Variants in PSD3 observed in about 807,000 individuals in gnomAD.
The protein encoded by PSD3 is pleckstrin and Sec7 domain containing 3, also known as PH and SEC7 domain-containing protein 3.
Under a neutral mutation model 105.5 loss-of-function variants are expected in PSD3, and 49 were observed. That is an observed-to-expected ratio of 0.46 (90% CI 0.37 to 0.59). The LOEUF (loss-of-function observed/expected upper bound fraction) is 0.59. Among genes scored for constraint, PSD3 ranks in the 20% least tolerant of loss-of-function variants. PSD3 has a pLI of 0.00. For synonymous variants in PSD3, 557 were observed against 457.8 expected, an observed-to-expected ratio of 1.22 and a Z score of -2.77; for missense variants, 1,561 against 1,263.8, an observed-to-expected ratio of 1.24 and a Z score of -3.57.
intron 15 of PSD3, among the ~76,000 whole-genome samples, chr8:18,552,624 C>G (rs748901920): frequency 1.3e-5 from 2 of 151,974 alleles, no homozygotes; most frequent in East Asian, 1.9e-4. Context: ...GCACAGGGAT[C>G]AATTAAATAT....
chr8:18,982,382 T>C (rs535195302), intron 1 of PSD3, among the ~76,000 whole-genome samples: 10 of 152,336 alleles, frequency 6.6e-5, no homozygotes, highest in South Asian at 2.1e-4. Flanking sequence ...TAAACTCCTG[T>C]TCATGTTAGT....
intron 9 of PSD3, chr8:18,684,192 C>T (rs1800531694): frequency 6.4e-6 from 2 of 313,302 alleles, no homozygotes; most frequent in Non-Finnish European, 1.2e-5. Flanking sequence ...CCCTGCTACT[C>T]GTCTCTCTTT....
chr8:18,837,261 G>A (rs184749208), intron 4 of PSD3, among the ~76,000 whole-genome samples: 3 of 152,210 alleles, frequency 2.0e-5, no homozygotes, highest in Admixed American at 1.3e-4. Context: ...CCAGCTCTGG[G>A]TCACTCTGTA....
Position 18,574,143 on chromosome 8 carries a change from T to C in PSD3, c.2639+985A>G, listed in dbSNP as rs1271399735. Among the ~76,000 whole-genome samples the C allele has an allele frequency of 2.0e-5, 3 of 151,974 alleles. No individual in the cohort carries two copies. In the South Asian group the frequency reaches 6.2e-4, roughly 32 times the overall value. On this transcript the variant is annotated intron_variant, in intron 13 of 15. Coordinates refer to ENST00000327040, the MANE Select transcript of PSD3 (RefSeq NM_015310.4). ...GACAGATTATCTACCATACACATAA[T>C]CAATAAACAAAAAGTAAAAAAAAAG...
intron 9 of PSD3, among the ~76,000 whole-genome samples, chr8:18,696,694 G>A (rs924939792): frequency 6.6e-6 from 1 of 152,104 alleles, no homozygotes; most frequent in Non-Finnish European, 1.5e-5. Flanking sequence ...ATACAAATAA[G>A]AAATACTCCA....
intron 11 of PSD3, among the ~76,000 whole-genome samples, chr8:18,611,091 A>T (rs1805230070): frequency 6.6e-6 from 1 of 152,182 alleles, no homozygotes; most frequent in East Asian, 1.9e-4. Flanking sequence ...TTAACATGAT[A>T]AACTGTATAA....
intron 1 of PSD3, among the ~76,000 whole-genome samples, chr8:18,946,189 C>T (rs10093963): frequency 0.65 from 99,504 of 151,982 alleles, 32,798 homozygotes; most frequent in Non-Finnish European, 0.67. Flanking sequence ...TTTTTTATTG[C>T]TGAAAAACAA....
At chr8:18,777,412 A>C (rs1808206130) in intron 8 of PSD3, among the ~76,000 whole-genome samples, 1 of 152,130 alleles carries the variant, frequency 6.6e-6, no homozygotes, top group African/African-American at 2.4e-5. Context: ...TTAAAATCTG[A>C]ACTTCACTTT....
intron 14 of PSD3, among the ~76,000 whole-genome samples, chr8:18,562,553 C>A (rs1377454067): frequency 6.6e-6 from 1 of 152,148 alleles, no homozygotes; most frequent in East Asian, 1.9e-4. Context: ...AACGTGCAGG[C>A]TGGACTCAGG....
At chr8:18,990,522 C>A (rs1825733270) in intron 1 of PSD3, among the ~76,000 whole-genome samples, 1 of 152,188 alleles carries the variant, frequency 6.6e-6, no homozygotes, top group Non-Finnish European at 1.5e-5. Flanking sequence ...GCCTGGCCAG[C>A]AATCCTTCTC....
intron 9 of PSD3, among the ~76,000 whole-genome samples, chr8:18,688,882 G>A (rs568036784): frequency 6.6e-6 from 1 of 152,348 alleles, no homozygotes; most frequent in African/African-American, 2.4e-5. Flanking sequence ...GAGAGAAGCA[G>A]CTGTTTAAAG....
Position 18,821,490 on chromosome 8 carries a change from G to C in PSD3, c.1635-16592C>G, listed in dbSNP as rs369705430. Among the ~76,000 whole-genome samples the C allele has an allele frequency of 7.8e-4, 119 of 152,150 alleles. 2 individuals are homozygous for C. The South Asian group carries it at 0.024, about 31-fold the overall frequency. On this transcript the variant is annotated intron_variant, in intron 4 of 15. Transcript: ENST00000327040. The stretch of plus-strand genomic sequence containing the variant: ...GGTTGGATGAAATTTGCGTGAATTA[G>C]TTAAGACCAGTATTTATAATCAAGG...
intron 12 of PSD3, among the ~76,000 whole-genome samples, chr8:18,581,355 C>T (rs1021305170): frequency 1.3e-5 from 2 of 152,282 alleles, no homozygotes; most frequent in Admixed American, 6.5e-5. Context: ...ATAGGGCACA[C>T]ATTTTTTAGG....
chr8:18,728,936 T>G (rs1203106055), intron 9 of PSD3, among the ~76,000 whole-genome samples: 4 of 152,214 alleles, frequency 2.6e-5, no homozygotes, highest in Non-Finnish European at 4.4e-5. Flanking sequence ...TCTGGAAGAT[T>G]TCTTTTAAGA....
rs536131250 is a variant in PSD3 at position 18,905,183 on chromosome 8, C to T, written c.130+30851G>A. Among the ~76,000 whole-genome samples the T allele has an allele frequency of 5.3e-4, 80 of 152,168 alleles. 1 individual carries two copies. The South Asian group carries it at 0.016, about 30-fold the overall frequency. ...CCTCTCCATTGGTCAACTCAGCATCCCCCCTAAGTTACATGATCACCTCTG... is the reference window on the plus strand; with the variant it reads ...CCTCTCCATTGGTCAACTCAGCATCTCCCCTAAGTTACATGATCACCTCTG... On this transcript the variant is annotated intron_variant, in intron 2 of 15. Transcript: ENST00000327040.
At chr8:18,629,044 A>G (rs559205261) in intron 11 of PSD3, among the ~76,000 whole-genome samples, 1 of 152,074 alleles carries the variant, frequency 6.6e-6, no homozygotes, top group South Asian at 2.1e-4. Flanking sequence ...ATTCCATATA[A>G]TAGAAAGCAA....
At chr8:18,615,587 T>C (rs1211347799) in intron 11 of PSD3, among the ~76,000 whole-genome samples, 2 of 152,272 alleles carry the variant, frequency 1.3e-5, no homozygotes, top group South Asian at 4.1e-4. Flanking sequence ...AGTTCGTTTA[T>C]GTGAAAGGTG....
chr8:18,986,617 T>C (rs576844550), intron 1 of PSD3, among the ~76,000 whole-genome samples: 5 of 152,164 alleles, frequency 3.3e-5, no homozygotes, highest in African/African-American at 9.6e-5. Flanking sequence ...ATTTTATTAA[T>C]GGTGCTGTAT....
At chr8:18,743,958 C>A (rs867563687) in intron 9 of PSD3, among the ~76,000 whole-genome samples, 99 of 63,510 alleles carry the variant, frequency 1.6e-3, no homozygotes, top group African/African-American at 4.7e-3. Context: ...AACTCTGTCT[C>A]TCACCACCAC....
Sources: allele counts gnomAD v4.1 joint callset (sites outside exome capture counted in the v4.1 genomes callset), GRCh38; gene constraint gnomAD v4.1.1; transcripts MANE v1.5; gene names NCBI Gene and HGNC (gene_info 2026-07-23, HGNC 2026-07-21).